PPARGC1A: variants seen among roughly 807,000 people sequenced by gnomAD.
The protein encoded by PPARGC1A is PPARG coactivator 1 alpha.
Under a neutral mutation model 88.7 loss-of-function variants are expected in PPARGC1A, and 25 were observed. The observed-to-expected ratio is 0.28, with a 90% CI of 0.21 to 0.39. The LOEUF (loss-of-function observed/expected upper bound fraction) is 0.39. Ranked by LOEUF, PPARGC1A falls within the 10% of genes least tolerant of loss-of-function variation. The pLI is 1.00. For synonymous variants in PPARGC1A, 363 were observed against 355.6 expected (o/e 1.02, Z -0.24); for missense variants, 880 against 968.7 (o/e 0.91, Z 1.22).
the PPARGC1A span, among the ~76,000 whole-genome samples, chr4:24,119,072 G>A: frequency 6.6e-6 from 1 of 152,204 alleles, no homozygotes; most frequent in African/African-American, 2.4e-5. Flanking sequence ...ATTGGAGAGG[G>A]ATTTTGTTTT....
the PPARGC1A span, among the ~76,000 whole-genome samples, chr4:24,385,245 G>A: frequency 2.6e-5 from 4 of 152,136 alleles, no homozygotes; most frequent in Admixed American, 1.3e-4. Context: ...CTAAAGCAGT[G>A]TTTAGAGGGA....
chr4:23,848,844 C>A (rs1237346012), intron 2 of PPARGC1A, among the ~76,000 whole-genome samples: 1 of 148,226 alleles, frequency 6.7e-6, no homozygotes, highest in Non-Finnish European at 1.5e-5. Context: ...GGCATCTGGG[C>A]CCTGGAATCC....
chr4:24,282,237 G>T, the PPARGC1A span, among the ~76,000 whole-genome samples: 1 of 152,150 alleles, frequency 6.6e-6, no homozygotes, highest in African/African-American at 2.4e-5. Context: ...TGACATGGAG[G>T]CCCATGATCT....
upstream of PPARGC1A, among the ~76,000 whole-genome samples, chr4:23,908,460 T>C (rs2148896320): frequency 6.6e-6 from 1 of 151,974 alleles, no homozygotes; most frequent in South Asian, 2.1e-4. Flanking sequence ...AATTCATAGA[T>C]TATATCTCTA....
At chr4:24,220,264 C>T in the PPARGC1A span, among the ~76,000 whole-genome samples, 1 of 152,216 alleles carries the variant, frequency 6.6e-6, no homozygotes, top group Non-Finnish European at 1.5e-5. Flanking sequence ...AATGCTTATA[C>T]ACTGTTGGTG....
At chr4:24,018,342 A>G in the PPARGC1A span, among the ~76,000 whole-genome samples, 2 of 152,230 alleles carry the variant, frequency 1.3e-5, no homozygotes, top group South Asian at 2.1e-4. Context: ...TTAAAATGTC[A>G]CCAGTTACTT....
the PPARGC1A span, among the ~76,000 whole-genome samples, chr4:24,165,979 G>A: frequency 2.6e-5 from 4 of 152,286 alleles, no homozygotes; most frequent in African/African-American, 7.2e-5. Flanking sequence ...AAGCTGAAAC[G>A]GGCTGAAAAG....
At chr4:23,800,690 A>G (rs1469728746) in intron 12 of PPARGC1A, among the ~76,000 whole-genome samples, 5 of 151,644 alleles carry the variant, frequency 3.3e-5, no homozygotes, top group South Asian at 2.1e-4. Flanking sequence ...CGTTGGTAAT[A>G]GTGGTTATTC....
chr4:23,855,427 A>G (rs1416358246), intron 2 of PPARGC1A, among the ~76,000 whole-genome samples: 2 of 152,218 alleles, frequency 1.3e-5, no homozygotes, highest in African/African-American at 4.8e-5. Flanking sequence ...TTCAGAAAGC[A>G]TTTGTCAAAT....
chr4:24,079,892 A>G, the PPARGC1A span, among the ~76,000 whole-genome samples: 1 of 151,982 alleles, frequency 6.6e-6, no homozygotes, highest in Non-Finnish European at 1.5e-5. Context: ...TGGCTCTTTC[A>G]ACCCCATTTG....
chr4:24,130,929 A>G, the PPARGC1A span, among the ~76,000 whole-genome samples: 1 of 152,146 alleles, frequency 6.6e-6, no homozygotes. Flanking sequence ...CTCATCCTAG[A>G]GTGCTCTCAC....
the PPARGC1A span, among the ~76,000 whole-genome samples, chr4:23,931,488 C>T: frequency 0.015 from 2,224 of 151,598 alleles, 55 homozygotes; most frequent in South Asian, 0.11. Flanking sequence ...AGTTAAGGCA[C>T]ATATTTTTTA....
At chr4:24,266,790 G>C in the PPARGC1A span, among the ~76,000 whole-genome samples, 1 of 152,136 alleles carries the variant, frequency 6.6e-6, no homozygotes, top group African/African-American at 2.4e-5. Context: ...AGAATAAGCG[G>C]CCATCTTCCC....
the PPARGC1A span, among the ~76,000 whole-genome samples, chr4:24,113,801 A>G: frequency 3.5e-3 from 526 of 152,246 alleles, 4 homozygotes; most frequent in Admixed American, 6.5e-3. Context: ...CCATGTGGCA[A>G]TAAACATGAA....
At chr4:23,990,694 G>T in the PPARGC1A span, among the ~76,000 whole-genome samples, 1 of 151,966 alleles carries the variant, frequency 6.6e-6, no homozygotes, top group East Asian at 1.9e-4. Context: ...CCTGACGTGG[G>T]GTTTCTGGAA....
intron 2 of PPARGC1A, 129 bp downstream of exon 2, chr4:23,884,623 G>T: frequency 1.4e-6 from 1 of 717,478 alleles, no homozygotes; most frequent in Non-Finnish European, 2.1e-6. Context: ...TAGAAAGTAT[G>T]TAACTGTGAT....
the PPARGC1A span, among the ~76,000 whole-genome samples, chr4:23,914,707 C>T: frequency 7.0e-6 from 1 of 143,048 alleles, no homozygotes; most frequent in South Asian, 2.4e-4. Flanking sequence ...CCATGACTAA[C>T]CATGCCAACG....
chr4:24,260,195 C>T, the PPARGC1A span, among the ~76,000 whole-genome samples: 1 of 152,330 alleles, frequency 6.6e-6, no homozygotes, highest in East Asian at 1.9e-4. Context: ...TCATACTAAG[C>T]AAAGTAGGAA....
At chr4:24,344,600 T>A in the PPARGC1A span, among the ~76,000 whole-genome samples, 60 of 151,438 alleles carry the variant, frequency 4.0e-4, no homozygotes, top group Non-Finnish European at 7.2e-4. Context: ...TGGGATTGTT[T>A]GTTTTTTTTT....
Sources: gnomAD v4.1 joint callset for allele counts (sites outside exome capture counted in the v4.1 genomes callset) on GRCh38, gnomAD v4.1.1 for gene constraint, MANE v1.5 for transcripts, NCBI Gene and HGNC (gene_info 2026-07-23, HGNC 2026-07-21) for gene names.